NLE1: variants seen among roughly 807,000 people sequenced by gnomAD.
The protein encoded by NLE1 is notchless protein homolog 1.
NLE1 carries 37 observed loss-of-function variants against 62.8 expected under a neutral mutation model. The ratio of observed to expected loss-of-function variants is 0.59; its 90% CI spans 0.45 to 0.78. The LOEUF (loss-of-function observed/expected upper bound fraction) is 0.78. Among genes scored for constraint, NLE1 ranks in the 30% least tolerant of loss-of-function variants. The pLI is 0.00. For missense variants in NLE1, 555 were observed against 637.9 expected, an observed-to-expected ratio of 0.87 and a Z score of 1.40; for synonymous variants, 243 against 253.0, an observed-to-expected ratio of 0.96 and a Z score of 0.37.
chr17:35,133,286 C>T (rs1358826999), intron 11 of NLE1, 45 bp from the exon 12 acceptor site: 1 of 1,614,120 alleles, frequency 6.2e-7, no homozygotes, highest in East Asian at 2.2e-5. Context: ...GAGAGGGAGA[C>T]AGCCAGCCAG....
Position 35,136,175 on chromosome 17 carries a change from G to A in NLE1, c.1005C>T (p.Leu335=), listed in dbSNP as rs761450998. 1.5e-5 allele frequency: 24 copies of A among 1,614,190 alleles called. No individual in the cohort carries two copies. The highest frequency in any genetic ancestry group is 1.9e-5 in the Non-Finnish European group (22 of 1,180,022). ...LKERALSRYN[L]VRGQGPERLV... ...GTGGCTGGCACACACTCACCCGCAC[G>A]AGGTTGTATCGGCTCAGAGCCCTCT... The change falls in exon 9 of 13, where the codon CTC becomes CTT. Residue 335 remains leucine (L), a synonymous_variant. Coordinates refer to ENST00000442241, the MANE Select transcript of NLE1 (RefSeq NM_018096.5).
In NLE1 at chr17:35,130,600, C is replaced by T. The variant is rs928951574; in HGVS notation, c.*1837G>A. 1.7e-5 allele frequency: 12 copies of T among 686,934 alleles called. No homozygotes were observed. Among genetic ancestry groups the T allele is most frequent in the Non-Finnish European group, 2.6e-5 (11 of 420,086 alleles). 42.6% of individuals were successfully genotyped at this position (686,934 alleles called of 1,614,324 possible). On this transcript the variant is annotated 3_prime_UTR_variant, in exon 13 of 13. Transcript: ENST00000442241. ...GGCTGGGGCCAAGGCTACATAGGGG[C>T]CCCATTCACCTGGAGGCATCTCAGG... is the stretch of plus-strand genomic sequence containing the variant.
chr17:35,139,756 G>A lies in NLE1; in HGVS notation c.380+93C>T, dbSNP rs889857108. The stretch of plus-strand genomic sequence containing the variant: ...TGGGTCTATGGTAGGCAGCCCTGAG[G>A]CCCCATCAATTATAACTCTGGGAGA... On this transcript the variant is annotated intron_variant, in intron 3 of 12. Coordinates refer to ENST00000442241, the MANE Select transcript of NLE1 (RefSeq NM_018096.5). 5 of 1,525,798 alleles carry A rather than the reference G, an allele frequency of 3.3e-6. No homozygotes were observed. The East Asian group carries it at 6.8e-5, about 21-fold the overall frequency. The allele number at this position is 1,525,798 out of a possible 1,614,324, so 94.5% of individuals were successfully genotyped here. A position where few individuals can be genotyped will look rare whatever the true frequency, so the allele number is the denominator to read the frequency against.
intron 12 of NLE1, 127 bp from the exon 13 acceptor site, chr17:35,132,576 C>T (rs2091882887): frequency 1.0e-5 from 8 of 801,664 alleles, no homozygotes; most frequent in South Asian, 8.8e-5. Flanking sequence ...GCCAGGTGAC[C>T]GTCCCTGCTC....
At position 35,142,289 on chromosome 17, in the gene NLE1, G is replaced by T; in HGVS notation, c.-14C>A. On this transcript the variant is annotated 5_prime_UTR_variant, in exon 1 of 13. Transcript: ENST00000442241. The stretch of plus-strand genomic sequence containing the variant: ...TGCTGCCGCCATCCTGCGTCCCCAC[G>T]TGGAGGAGAAAGAGCCCGGCAGACA... The T allele has an allele frequency of 1.3e-6, 2 of 1,538,680 alleles. No homozygotes were observed. The highest frequency in any genetic ancestry group is 8.7e-7 in the Non-Finnish European group (1 of 1,145,428).
At position 35,140,057 on chromosome 17, in the gene NLE1, G is replaced by A; in HGVS notation, c.172C>T (p.Leu58=). ...CNALLAQEDP[L]PLAFFVHDAE... is the part of the protein sequence containing the mutation. ...TCGTGGACAAAGAAAGCCAGTGGCA[G>A]GGGATCCTCCTGAAGGACAATGGTA... The change falls in exon 3 of 13, where the codon CTG becomes TTG. Residue 58 remains leucine (L), a synonymous_variant. Transcript: ENST00000442241. 6.2e-7 allele frequency: 1 copy of A among 1,613,230 alleles called. No homozygotes were observed. Among genetic ancestry groups the A allele is most frequent in the Non-Finnish European group, 8.5e-7 (1 of 1,179,954 alleles).
intron 7 of NLE1, 116 bp downstream of exon 7, chr17:35,136,885 G>A: frequency 2.0e-6 from 2 of 1,003,898 alleles, no homozygotes; most frequent in Non-Finnish European, 3.0e-6. Context: ...CTAGACCAGG[G>A]CTCCCAGCAC....
chr17:35,129,739 C>T lies in NLE1; in HGVS notation c.*2698G>A, dbSNP rs2091865307. The stretch of plus-strand genomic sequence containing the variant: ...ACCAGGGCTTTGGAGGTTGGGAACA[C>T]CCCTATGCCCACATGACTCATCTGG... On this transcript the variant is annotated 3_prime_UTR_variant, in exon 13 of 13. Transcript: ENST00000442241. 6.5e-7 allele frequency: 1 copy of T among 1,528,272 alleles called. No individual in the cohort carries two copies. The highest frequency in any genetic ancestry group is 2.1e-5 in the Admixed American group (1 of 46,818). The allele number at this position is 1,528,272 out of a possible 1,614,324, so 94.7% of individuals were successfully genotyped here.
chr17:35,130,017 AG>A lies in NLE1; in HGVS notation c.*2419del. 7.2e-7 allele frequency: 1 copy of A among 1,383,182 alleles called. No individual in the cohort carries two copies. Among genetic ancestry groups the A allele is most frequent in the Non-Finnish European group, 9.3e-7 (1 of 1,070,966 alleles). The allele number at this position is 1,383,182 out of a possible 1,614,324, so 85.7% of individuals were successfully genotyped here. ...ACAAGAGGCTAAAGGGGGACGAAGA[AG>A]GGAACAGCCTGGGTATGGGGTAGGG... is the stretch of plus-strand genomic sequence containing the variant. On this transcript the variant is annotated 3_prime_UTR_variant, in exon 13 of 13. Coordinates refer to ENST00000442241, the MANE Select transcript of NLE1 (RefSeq NM_018096.5).
rs1434257876 is a variant in NLE1 at position 35,129,691 on chromosome 17, GGA to G, written c.*2744_*2745del. On this transcript the variant is annotated 3_prime_UTR_variant, in exon 13 of 13. Coordinates refer to ENST00000442241, the MANE Select transcript of NLE1 (RefSeq NM_018096.5). ...CTGGGAAAAGAGGGGCCTTGGGGGT[GGA>G]GAGAAGTCCAAAGCCAGGGAACCAG... 6 of 1,603,622 alleles carry G rather than the reference GGA, an allele frequency of 3.7e-6. No individual in the cohort carries two copies. Among genetic ancestry groups the G allele is most frequent in the Non-Finnish European group, 5.1e-6 (6 of 1,175,664 alleles).
rs942611358 is a variant in NLE1 at position 35,135,366 on chromosome 17, G to T, written c.1097C>A (p.Thr366Asn). ...GAGAGCTTGGTGTCCTGTCATCCGAGTGAGAGGCTTTTTGTCCTCTGCTGG... is the reference window on the plus strand; with the variant it reads ...GAGAGCTTGGTGTCCTGTCATCCGATTGAGAGGCTTTTTGTCCTCTGCTGG... The part of the protein sequence containing the change: ...WSPAEDKKPL[T>N]RMTGHQALIN... The change falls in exon 10 of 13, where the codon ACT (threonine) becomes AAT (asparagine). Residue 366 changes from threonine to asparagine, a missense_variant. Thr to Asn is a moderately conservative substitution (Grantham distance 65). Transcript: ENST00000442241. The T allele has an allele frequency of 6.2e-7, 1 of 1,614,112 alleles. No homozygotes were observed. The highest frequency in any genetic ancestry group is 1.3e-5 in the African/African-American group (1 of 74,924).
intron 7 of NLE1, 149 bp downstream of exon 7, chr17:35,136,852 C>T: frequency 2.6e-6 from 2 of 771,556 alleles, no homozygotes; most frequent in Non-Finnish European, 4.3e-6. Flanking sequence ...AACCACAGAA[C>T]TCCTCATTCC....
chr17:35,129,504 ATGAGT>A lies in NLE1; in HGVS notation c.*2928_*2932del, dbSNP rs1567741315. ...CAGGAGGTGGCCAAGACACAGGAGA[ATGAGT>A]TGCCCGAGGCAAAGAATCGTCCATG... On this transcript the variant is annotated 3_prime_UTR_variant, in exon 13 of 13. Transcript: ENST00000442241. 1 of 1,614,198 alleles carries A rather than the reference ATGAGT, an allele frequency of 6.2e-7. No individual in the cohort carries two copies.
In NLE1 at chr17:35,129,401, C is replaced by G. The variant is rs919264283; in HGVS notation, c.*3036G>C. On this transcript the variant is annotated 3_prime_UTR_variant, in exon 13 of 13. Coordinates refer to ENST00000442241, the MANE Select transcript of NLE1 (RefSeq NM_018096.5). ...GGACAGGACATATCTGAGGAAGCCT[C>G]GGGGCTCTCTCTTCCCCTAGATTTC... The G allele has an allele frequency of 1.2e-6, 2 of 1,610,012 alleles. No individual in the cohort carries two copies. The highest frequency in any genetic ancestry group is 1.7e-5 in the Admixed American group (1 of 59,872).
At position 35,129,326 on chromosome 17, in the gene NLE1, G is replaced by C; in HGVS notation, c.*3111C>G. On this transcript the variant is annotated 3_prime_UTR_variant, in exon 13 of 13. Coordinates refer to ENST00000442241, the MANE Select transcript of NLE1 (RefSeq NM_018096.5). ...TGCCTGGGCCCCAGCAGGAGCAGGG[G>C]ATGGGCATGGGACGTCCTGACCCCA... 6 of 1,491,130 alleles carry C rather than the reference G, an allele frequency of 4.0e-6. No homozygotes were observed. Among genetic ancestry groups the C allele is most frequent in the Non-Finnish European group, 4.6e-6 (5 of 1,097,082 alleles). The allele number at this position is 1,491,130 out of a possible 1,614,324, so 92.4% of individuals were successfully genotyped here.
chr17:35,140,104 G>T (rs1415041907), intron 2 of NLE1, 38 bp from the exon 3 acceptor site: 11 of 1,598,832 alleles, frequency 6.9e-6, no homozygotes, highest in Admixed American at 1.7e-5. Flanking sequence ...CGCAACAATG[G>T]ATGTGCAGGG....
chr17:35,130,633 A>G lies in NLE1; in HGVS notation c.*1804T>C. ...ACCTGGAGGCATCTCAGGCCAGGCC[A>G]TGCCAGGCTCAGCCACTGCCCACAG... On this transcript the variant is annotated 3_prime_UTR_variant, in exon 13 of 13. Transcript: ENST00000442241. 3.4e-6 allele frequency: 2 copies of G among 583,976 alleles called. No homozygotes were observed. Among genetic ancestry groups the G allele is most frequent in the Non-Finnish European group, 6.0e-6 (2 of 333,786 alleles). 36.2% of individuals were successfully genotyped at this position (583,976 alleles called of 1,614,324 possible).
chr17:35,132,431 G>T lies in NLE1; in HGVS notation c.*6C>A. On this transcript the variant is annotated 3_prime_UTR_variant, in exon 13 of 13. Transcript: ENST00000442241. Reference sequence around the variant, plus strand: ...AGGTGGGGGTCAGAGAGAACTTCGGGCCGTCTCATCTCCTCCATCTGTGGA... The same window carrying T: ...AGGTGGGGGTCAGAGAGAACTTCGGTCCGTCTCATCTCCTCCATCTGTGGA... The T allele has an allele frequency of 7.0e-7, 1 of 1,436,918 alleles. No individual in the cohort carries two copies. The highest frequency in any genetic ancestry group is 9.2e-7 in the Non-Finnish European group (1 of 1,092,894). The allele number at this position is 1,436,918 out of a possible 1,614,324, so 89.0% of individuals were successfully genotyped here.
Position 35,139,253 on chromosome 17 carries a change from G to C in NLE1, c.442C>G (p.Pro148Ala). ...TACTGACCCTTGCATGTGAAATGTGGTGTCTCTGTGCTGAGATCCCAGAAG... is the reference window on the plus strand; with the variant it reads ...TACTGACCCTTGCATGTGAAATGTGCTGTCTCTGTGCTGAGATCCCAGAAG... ...VRFWDLSTET[P>A]HFTCKGHRHW... The change falls in exon 4 of 13, where the codon CCA becomes GCA. Residue 148 changes from proline to alanine, a missense_variant. Coordinates refer to ENST00000442241, the MANE Select transcript of NLE1 (RefSeq NM_018096.5). 4.3e-6 allele frequency: 7 copies of C among 1,613,948 alleles called. No individual in the cohort carries two copies. The highest frequency in any genetic ancestry group is 5.9e-6 in the Non-Finnish European group (7 of 1,179,878).
Sources: allele counts gnomAD v4.1 joint callset, GRCh38; gene constraint gnomAD v4.1.1; transcripts MANE v1.5; gene names NCBI Gene and HGNC (gene_info 2026-07-23, HGNC 2026-07-21).